KBTBD2: variants seen among roughly 807,000 people sequenced by gnomAD.
KBTBD2 encodes kelch repeat and BTB domain containing 2.
Under a neutral mutation model 57.1 loss-of-function variants are expected in KBTBD2, and 17 were observed. The ratio of observed to expected loss-of-function variants is 0.30; its 90% CI spans 0.20 to 0.45. The LOEUF is 0.45. Ranked by LOEUF, KBTBD2 falls within the 20% of genes least tolerant of loss-of-function variation. KBTBD2 has a pLI of 1.00. For synonymous variants in KBTBD2, 267 were observed against 262.7 expected, an observed-to-expected ratio of 1.02 and a Z score of -0.16; for missense variants, 515 against 750.6, an observed-to-expected ratio of 0.69 and a Z score of 3.67.
chr7:32,876,919 T>G (rs1353613628), intron 2 of KBTBD2, among the ~76,000 whole-genome samples: 1 of 152,066 alleles, frequency 6.6e-6, no homozygotes, highest in Non-Finnish European at 1.5e-5. Context: ...ATCGAGCCAC[T>G]GCACTCCAAC....
intron 1 of KBTBD2, among the ~76,000 whole-genome samples, chr7:32,882,148 G>A (rs1784459220): frequency 1.3e-5 from 2 of 151,942 alleles, no homozygotes; most frequent in African/African-American, 4.8e-5. Context: ...CTTGGCACTG[G>A]AAATGCTTAA....
chr7:32,890,436 T>C (rs944343443), intron 1 of KBTBD2, among the ~76,000 whole-genome samples: 2 of 152,154 alleles, frequency 1.3e-5, no homozygotes, highest in African/African-American at 4.8e-5. Context: ...AACTAAGTCA[T>C]TCACAATTAC....
chr7:32,872,736 T>C (rs1784212251), intron 3 of KBTBD2, among the ~76,000 whole-genome samples: 1 of 152,148 alleles, frequency 6.6e-6, no homozygotes, highest in Non-Finnish European at 1.5e-5. Flanking sequence ...AAAACTGAAA[T>C]GTTTTGAGTG....
At chr7:32,889,983 T>TGATA (rs1045099386) in intron 1 of KBTBD2, among the ~76,000 whole-genome samples, 3 of 152,260 alleles carry the variant, frequency 2.0e-5, no homozygotes, top group Non-Finnish European at 4.4e-5. Context: ...ACATATGTAC[T>TGATA]GATACCTCTA....
intron 1 of KBTBD2, among the ~76,000 whole-genome samples, chr7:32,890,742 T>G (rs1784711133): frequency 6.6e-6 from 1 of 152,202 alleles, no homozygotes; most frequent in Non-Finnish European, 1.5e-5. Flanking sequence ...TGAATTCTTT[T>G]CCTATTTTCA....
At chr7:32,879,213 T>A (rs1476060200) in intron 2 of KBTBD2, among the ~76,000 whole-genome samples, 1 of 152,154 alleles carries the variant, frequency 6.6e-6, no homozygotes, top group Non-Finnish European at 1.5e-5. Context: ...TTCCCAACAT[T>A]AAAACTTTAC....
chr7:32,880,226 C>T (rs1393929669), intron 1 of KBTBD2, among the ~76,000 whole-genome samples: 1 of 152,070 alleles, frequency 6.6e-6, no homozygotes, highest in Non-Finnish European at 1.5e-5. Context: ...TTTTAAAGCT[C>T]TTTCAAAATA....
At chr7:32,885,015 T>TAC (rs1365108418) in intron 1 of KBTBD2, among the ~76,000 whole-genome samples, 21 of 140,434 alleles carry the variant, frequency 1.5e-4, no homozygotes, top group Admixed American at 2.3e-4. Context: ...TATATATATA[T>TAC]ATACACACAC....
chr7:32,872,986 G>T (rs1784218444), intron 3 of KBTBD2, among the ~76,000 whole-genome samples: 1 of 152,204 alleles, frequency 6.6e-6, no homozygotes, highest in Admixed American at 6.5e-5. Context: ...TTATACCCAG[G>T]TGTTGGCATT....
At chr7:32,882,980 G>A (rs779255688) in intron 1 of KBTBD2, among the ~76,000 whole-genome samples, 2 of 152,228 alleles carry the variant, frequency 1.3e-5, no homozygotes, top group East Asian at 1.9e-4. Flanking sequence ...GCAAGACTCC[G>A]TCTCAAAAAC....
Position 32,870,048 on chromosome 7 carries a change from A to G in KBTBD2, c.1169T>C (p.Val390Ala). ...GYIYAIGGDS[V>A]GGELNRRTVE... ...GGTCCTCCGATTAAGTTCTCCACCT[A>G]CGCTATCTCCTCCAATTGCATAGAT... Residue 390 changes from valine (V) to alanine (A), a missense_variant, in exon 4 of 4, where the codon GTA becomes GCA. Coordinates refer to ENST00000304056, the MANE Select transcript of KBTBD2 (RefSeq NM_015483.3). The G allele has an allele frequency of 1.2e-6, 2 of 1,614,178 alleles. No homozygotes were observed. The highest frequency in any genetic ancestry group is 1.3e-5 in the African/African-American group (1 of 75,032).
intron 1 of KBTBD2, among the ~76,000 whole-genome samples, chr7:32,881,643 T>G (rs1218168336): frequency 1.3e-5 from 2 of 152,344 alleles, no homozygotes; most frequent in African/African-American, 4.8e-5. Flanking sequence ...CTGGGTCATT[T>G]AAGGTAATAA....
At chr7:32,882,324 G>A (rs889132775) in intron 1 of KBTBD2, among the ~76,000 whole-genome samples, 6 of 152,266 alleles carry the variant, frequency 3.9e-5, no homozygotes, top group East Asian at 1.9e-4. Flanking sequence ...AAATCATGCC[G>A]CTAGACCCCA....
intron 3 of KBTBD2, 28 bp downstream of exon 3, chr7:32,874,964 C>T: frequency 6.3e-7 from 1 of 1,599,366 alleles, no homozygotes; most frequent in East Asian, 2.2e-5. Context: ...GAGAGAGACT[C>T]CGTCTAAAAA....
rs375303027 is a variant in KBTBD2, at chr7:32,870,327, T to G, written c.890A>C (p.Lys297Thr). 6.2e-7 allele frequency: 1 copy of G among 1,613,894 alleles called. No homozygotes were observed. Among genetic ancestry groups the G allele is most frequent in the Non-Finnish European group, 8.5e-7 (1 of 1,179,908 alleles). The change falls in exon 4 of 4, where the codon AAG becomes ACG. Residue 297 changes from lysine (K) to threonine (T), a missense_variant. Transcript: ENST00000304056. ...CAAATCAGCTGGTGGGCTACATAAC[T>G]TGTAAACTTTTTCTGCTTGGGGGCT... The part of the protein sequence containing the change: ...CYSPQAEKVY[K>T]LCSPPADLHK...
intron 1 of KBTBD2, among the ~76,000 whole-genome samples, chr7:32,880,529 C>A (rs1784420516): frequency 1.4e-5 from 2 of 144,080 alleles, no homozygotes; most frequent in East Asian, 2.0e-4. Flanking sequence ...GGAATCTTTA[C>A]AAATAAAAGT....
rs1453393601 is a variant in KBTBD2, at chr7:32,881,264, A to C, written c.-338-1322T>G. Among the ~76,000 whole-genome samples the C allele has an allele frequency of 6.6e-5, 10 of 152,192 alleles. No individual in the cohort carries two copies. The South Asian group carries it at 1.7e-3, about 25-fold the overall frequency. ...TGCATACCATTCATCAAAAAAAAAA[A>C]CCAAAATTCCAGCTGAATAAAAATT... On this transcript the variant is annotated intron_variant, in intron 1 of 3. Coordinates refer to ENST00000304056, the MANE Select transcript of KBTBD2 (RefSeq NM_015483.3).
chr7:32,870,014 T>C lies in KBTBD2; in HGVS notation c.1203A>G (p.Arg401=). Reference sequence around the variant, plus strand: ...TCCACTCATCTTTCTCAGTGTCGTATCTTTCTACGGTCCTCCGATTAAGTT... The same window carrying C: ...TCCACTCATCTTTCTCAGTGTCGTACCTTTCTACGGTCCTCCGATTAAGTT... ...GGELNRRTVE[R]YDTEKDEWTM... is the part of the protein sequence containing the mutation. The change falls in exon 4 of 4, where the codon AGA becomes AGG. Residue 401 remains arginine (R), a synonymous_variant. Transcript: ENST00000304056. 5.6e-6 allele frequency: 9 copies of C among 1,614,200 alleles called. No individual in the cohort carries two copies. The highest frequency in any genetic ancestry group is 7.6e-6 in the Non-Finnish European group (9 of 1,180,028).
intron 1 of KBTBD2, among the ~76,000 whole-genome samples, chr7:32,890,188 G>A (rs1324152924): frequency 1.3e-5 from 2 of 152,174 alleles, no homozygotes; most frequent in African/African-American, 4.8e-5. Context: ...GCACTCCCGA[G>A]TTACTGACAG....
Sources: gnomAD v4.1 joint callset for allele counts (sites outside exome capture counted in the v4.1 genomes callset) on GRCh38, gnomAD v4.1.1 for gene constraint, MANE v1.5 for transcripts, NCBI Gene and HGNC (gene_info 2026-07-23, HGNC 2026-07-21) for gene names.